EYS: variants seen among roughly 807,000 people sequenced by gnomAD.
EYS encodes protein eyes shut homolog.
EYS carries 250 observed loss-of-function variants against 282.1 expected under a neutral mutation model. That is an observed-to-expected ratio of 0.89 (90% confidence interval 0.80 to 0.98). EYS has a LOEUF of 0.98. Among genes scored for constraint, EYS ranks in the 50% least tolerant of loss-of-function variants. The pLI is 0.00. For synonymous variants in EYS, 1,355 were observed against 1,282.9 expected (o/e 1.06, Z -1.20); for missense variants, 4,016 against 3,709.0 (o/e 1.08, Z -2.15).
intron 36 of EYS, among the ~76,000 whole-genome samples, chr6:63,853,757 A>C (rs1276823642): frequency 6.6e-6 from 1 of 152,156 alleles, no homozygotes; most frequent in Non-Finnish European, 1.5e-5. Context: ...CAGTAACCAA[A>C]ACAGCATGGT....
At chr6:65,179,347 A>G (rs1302844040) in intron 12 of EYS, among the ~76,000 whole-genome samples, 2 of 152,270 alleles carry the variant, frequency 1.3e-5, no homozygotes, top group East Asian at 3.9e-4. Context: ...AGAAGAATCA[A>G]ATAGATGTAA....
intron 34 of EYS, among the ~76,000 whole-genome samples, chr6:63,991,269 A>G (rs1261405346): frequency 6.6e-6 from 1 of 151,708 alleles, no homozygotes; most frequent in Non-Finnish European, 1.5e-5. Context: ...GTCCAAAAAG[A>G]CTGGAAGAAG....
chr6:64,332,503 T>C (rs543657067), intron 29 of EYS, among the ~76,000 whole-genome samples: 159 of 152,302 alleles, frequency 1.0e-3, no homozygotes, highest in African/African-American at 3.8e-3. Flanking sequence ...TGTGATCTTG[T>C]CTACCTCACT....
intron 28 of EYS, among the ~76,000 whole-genome samples, chr6:64,422,864 T>G (rs1254248655): frequency 6.6e-6 from 1 of 152,064 alleles, no homozygotes; most frequent in African/African-American, 2.4e-5. Context: ...TCCTTCAGAA[T>G]AATAATGTGC....
Position 64,591,323 on chromosome 6 carries a change from C to A in EYS, c.4544G>T (p.Arg1515Leu), listed in dbSNP as rs1289714142. 6.4e-7 allele frequency: 1 copy of A among 1,551,114 alleles called. No individual in the cohort carries two copies. The highest frequency in any genetic ancestry group is 2.0e-5 in the Admixed American group (1 of 50,926). The change falls in exon 26 of 43, where the codon CGG becomes CTG. Residue 1515 changes from arginine (R) to leucine (L), a missense_variant. Physicochemically the swap from Arg to Leu is moderately radical, Grantham distance 102. Transcript: ENST00000503581. Reference protein sequence around the residue: ...VTILNSSALHRFSTKAFNPSE... With the variant: ...VTILNSSALHLFSTKAFNPSE... ...GGGATTGAAGGCTTTTGTACTGAAC[C>A]GGTGCAGAGCTGATGAGTTTAAGAT...
At chr6:65,676,520 A>C (rs1309570107) in intron 1 of EYS, among the ~76,000 whole-genome samples, 1 of 151,828 alleles carries the variant, frequency 6.6e-6, no homozygotes, top group African/African-American at 2.4e-5. Context: ...AGAAATAGAA[A>C]GTGTTAACAG....
At chr6:63,725,137 C>G (rs1027021336) in intron 42 of EYS, among the ~76,000 whole-genome samples, 2 of 151,968 alleles carry the variant, frequency 1.3e-5, no homozygotes, top group Non-Finnish European at 2.9e-5. Flanking sequence ...TCATGATTTT[C>G]TTATATAAGT....
intron 40 of EYS, among the ~76,000 whole-genome samples, chr6:63,773,262 C>T (rs1280992394): frequency 6.6e-6 from 1 of 152,100 alleles, no homozygotes; most frequent in African/African-American, 2.4e-5. Flanking sequence ...AAATTATCTA[C>T]CTCAAATTGG....
intron 28 of EYS, among the ~76,000 whole-genome samples, chr6:64,389,919 C>T (rs1773051904): frequency 6.6e-6 from 1 of 151,764 alleles, no homozygotes; most frequent in Admixed American, 6.6e-5. Flanking sequence ...GGTGTGCACA[C>T]CGTGCGCCAG....
chr6:64,500,416 C>T (rs1777002014), intron 26 of EYS, among the ~76,000 whole-genome samples: 1 of 152,026 alleles, frequency 6.6e-6, no homozygotes, highest in Admixed American at 6.6e-5. Context: ...TCCAGGTACA[C>T]AACATCTATA....
At chr6:64,656,153 A>G (rs889517701) in intron 22 of EYS, among the ~76,000 whole-genome samples, 8 of 151,800 alleles carry the variant, frequency 5.3e-5, no homozygotes, top group African/African-American at 1.9e-4. Flanking sequence ...ATCTTTGTAG[A>G]TATTACAATC....
intron 5 of EYS, among the ~76,000 whole-genome samples, chr6:65,406,337 G>T (rs998042777): frequency 1.3e-5 from 2 of 152,020 alleles, no homozygotes; most frequent in Admixed American, 1.3e-4. Flanking sequence ...AGTCCTTTAT[G>T]ATATACGTGA....
rs747865323 is a variant in EYS, at chr6:65,494,900, G to A, written c.511C>T (p.Gln171Ter). ...CTCAGAGATTCCTGGCAGAACTGCTGTTTCACTGTCACATTTAGTCGAAGT... is the reference window on the plus strand; with the variant it reads ...CTCAGAGATTCCTGGCAGAACTGCTATTTCACTGTCACATTTAGTCGAAGT... Reference protein sequence around the residue: ...LGLRLNVTVKQQFCQESLSSE... With the variant: ...LGLRLNVTVK The change falls in exon 4 of 43, where the codon CAG becomes TAG. Residue 171 changes from glutamine (Q) to a stop codon, truncating the protein, a stop_gained. Transcript: ENST00000503581. LOFTEE classifies it high-confidence loss of function. 4.3e-6 allele frequency: 7 copies of A among 1,614,056 alleles called. No homozygotes were observed. The highest frequency in any genetic ancestry group is 5.9e-6 in the Non-Finnish European group (7 of 1,179,954).
At chr6:64,963,934 T>C (rs1056426778) in intron 14 of EYS, among the ~76,000 whole-genome samples, 63 of 152,288 alleles carry the variant, frequency 4.1e-4, no homozygotes, top group African/African-American at 1.5e-3. Context: ...TATTATGTTG[T>C]ACTTTTTTAT....
chr6:64,377,778 G>T (rs1582671917), intron 29 of EYS: 1 of 152,096 alleles, frequency 6.6e-6, no homozygotes, highest in East Asian at 1.9e-4. Context: ...CTCCATTGTG[G>T]TCTAATAAGC....
intron 31 of EYS, among the ~76,000 whole-genome samples, chr6:64,133,010 C>T (rs1774034309): frequency 6.6e-6 from 1 of 151,928 alleles, no homozygotes; most frequent in Admixed American, 6.6e-5. Flanking sequence ...ACTCTACACA[C>T]TGATTATATG....
At chr6:65,013,325 T>C (rs547550543) in intron 13 of EYS, among the ~76,000 whole-genome samples, 1 of 152,180 alleles carries the variant, frequency 6.6e-6, no homozygotes, top group Non-Finnish European at 1.5e-5. Context: ...CCCCATATCA[T>C]GTTGATTTGT....
At chr6:63,991,118 T>A (rs1196127162) in intron 34 of EYS, among the ~76,000 whole-genome samples, 1 of 151,660 alleles carries the variant, frequency 6.6e-6, no homozygotes, top group Non-Finnish European at 1.5e-5. Flanking sequence ...AGCAAGAGAT[T>A]ATGAGCTCCT....
intron 36 of EYS, among the ~76,000 whole-genome samples, chr6:63,811,765 C>G (rs2149681538): frequency 6.6e-6 from 1 of 152,290 alleles, no homozygotes; most frequent in Middle Eastern, 3.4e-3. Context: ...AAATCCCTTC[C>G]CTTCCTTTGC....
Sources: allele counts gnomAD v4.1 joint callset (sites outside exome capture counted in the v4.1 genomes callset), GRCh38; gene constraint gnomAD v4.1.1; transcripts MANE v1.5; gene names NCBI Gene and HGNC (gene_info 2026-07-23, HGNC 2026-07-21).